Variants in ZCCHC14 observed in about 807,000 individuals in gnomAD.
ZCCHC14 encodes the protein zinc finger CCHC domain-containing protein 14.
Under a neutral mutation model 85.0 loss-of-function variants are expected in ZCCHC14, and 16 were observed. The ratio of observed to expected loss-of-function variants is 0.19; its 90% CI spans 0.13 to 0.29. The LOEUF (loss-of-function observed/expected upper bound fraction) is 0.29, where lower values mean the gene tolerates loss of function less well. Ranked by LOEUF, ZCCHC14 falls within the 10% of genes least tolerant of loss-of-function variation. ZCCHC14 has a pLI of 1.00. For missense variants in ZCCHC14, 1,303 were observed against 1,443.5 expected, an observed-to-expected ratio of 0.90 and a Z score of 1.58; for synonymous variants, 775 against 630.7, an observed-to-expected ratio of 1.23 and a Z score of -3.43.
chr16:87,490,739 C>T (rs1450042433), intron 1 of ZCCHC14, among the ~76,000 whole-genome samples: 1 of 152,210 alleles, frequency 6.6e-6, no homozygotes, highest in Non-Finnish European at 1.5e-5. Flanking sequence ...CTTTTTCTGT[C>T]TGTTACAGGT....
chr16:87,459,962 TC>T (rs748583388), intron 2 of ZCCHC14, 45 bp downstream of exon 2: 1 of 1,613,000 alleles, frequency 6.2e-7, no homozygotes, highest in South Asian at 1.1e-5. Context: ...GGTGTGCCCA[TC>T]CTCCGTCCGT....
In ZCCHC14 at chr16:87,411,902, G is replaced by C; in HGVS notation, c.2819C>G (p.Thr940Ser). 6.3e-7 allele frequency: 1 copy of C among 1,594,190 alleles called. No individual in the cohort carries two copies. The highest frequency in any genetic ancestry group is 8.5e-7 in the Non-Finnish European group (1 of 1,171,898). ...CTGGAAGTAGTTGGCGTAGCTGACA[G>C]TCAGGCCACTCGAGCCGCAGCTGCC... is the stretch of plus-strand genomic sequence containing the variant. ...CSGSCGSSGL[T>S]VSYANYFQHP... Residue 940 changes from threonine (T) to serine (S), a missense_variant, in exon 12 of 13, where the codon ACT (threonine) becomes AGT (serine). Physicochemically the swap from Thr to Ser is moderately conservative, Grantham distance 58. Transcript: ENST00000671377.
In ZCCHC14 at chr16:87,492,784, T is replaced by G. The variant is rs1405283546; in HGVS notation, c.-546A>C. ...CGCGGCGTCGCCGCCTGGGGAGCGCTGGGGGCCGCGGCCGCGAAACGGACG... is the reference window on the plus strand; with the variant it reads ...CGCGGCGTCGCCGCCTGGGGAGCGCGGGGGGCCGCGGCCGCGAAACGGACG... On this transcript the variant is annotated 5_prime_UTR_variant, in exon 1 of 13. Coordinates refer to ENST00000671377, the MANE Select transcript of ZCCHC14 (RefSeq NM_015144.3). The surrounding 1 kb of genome is among the most constrained non-coding windows in gnomAD (Gnocchi z 6.7). 2.1e-5 allele frequency: 3 copies of G among 144,122 alleles called. No individual in the cohort carries two copies. The highest frequency in any genetic ancestry group is 2.2e-4 in the South Asian group (1 of 4,650). 8.9% of individuals were successfully genotyped at this position (144,122 alleles called of 1,614,324 possible). A position where few individuals can be genotyped will look rare whatever the true frequency, so the allele number is the denominator to read the frequency against.
In ZCCHC14 at chr16:87,443,210, G is replaced by T. The variant is rs375460480; in HGVS notation, c.695-10009C>A. On this transcript the variant is annotated intron_variant, in intron 2 of 12. Transcript: ENST00000671377. ...TCCTAAGACAACTGTGACCGGAAGGGCAGAGGCCTGGATGGTGGTCGGGTT... is the reference window on the plus strand; with the variant it reads ...TCCTAAGACAACTGTGACCGGAAGGTCAGAGGCCTGGATGGTGGTCGGGTT... Among the ~76,000 whole-genome samples, 10 of 152,340 alleles carry T rather than the reference G, an allele frequency of 6.6e-5. No homozygotes were observed. In the East Asian group the frequency reaches 1.3e-3, roughly 21 times the overall value.
At chr16:87,447,611 T>G (rs1218580004) in intron 2 of ZCCHC14, among the ~76,000 whole-genome samples, 1 of 152,212 alleles carries the variant, frequency 6.6e-6, no homozygotes, top group Non-Finnish European at 1.5e-5. Flanking sequence ...CTCCTACTCA[T>G]GGACATCTGG....
At chr16:87,471,803 G>A (rs1488405001) in intron 1 of ZCCHC14, 1 of 152,268 alleles carries the variant, frequency 6.6e-6, no homozygotes, top group Non-Finnish European at 1.5e-5. Context: ...ATAAAACAGG[G>A]TTCAAAGGGC....
chr16:87,459,108 C>T (rs1272592029), intron 2 of ZCCHC14, among the ~76,000 whole-genome samples: 4 of 152,206 alleles, frequency 2.6e-5, no homozygotes, highest in Non-Finnish European at 4.4e-5. Flanking sequence ...TCAGGCCGCG[C>T]CTCACTACCC....
chr16:87,456,496 G>A (rs1161365178), intron 2 of ZCCHC14, among the ~76,000 whole-genome samples: 1 of 120,076 alleles, frequency 8.3e-6, no homozygotes, highest in Non-Finnish European at 1.6e-5. Flanking sequence ...TTGCGCCACT[G>A]CACTCCAGCC....
At chr16:87,436,049 T>C (rs1231809248) in intron 2 of ZCCHC14, among the ~76,000 whole-genome samples, 3 of 152,178 alleles carry the variant, frequency 2.0e-5, no homozygotes, top group Non-Finnish European at 4.4e-5. Flanking sequence ...TACAGAAACA[T>C]GTAGTCAGCA....
At chr16:87,458,475 G>A (rs1054341575) in intron 2 of ZCCHC14, among the ~76,000 whole-genome samples, 1 of 152,226 alleles carries the variant, frequency 6.6e-6, no homozygotes, top group East Asian at 1.9e-4. Context: ...CGAGGGTCAA[G>A]TGGGGACAGG....
At chr16:87,481,466 T>G (rs1438209725) in intron 1 of ZCCHC14, among the ~76,000 whole-genome samples, 1 of 145,348 alleles carries the variant, frequency 6.9e-6, no homozygotes, top group African/African-American at 2.5e-5. Flanking sequence ...AATCTAAGCC[T>G]GCGTCCAGAG....
Position 87,413,156 on chromosome 16 carries a change from G to T in ZCCHC14, c.1643C>A (p.Pro548His). ...VEVEQPHHQL[P>H]REGSSSEYSS... Reference sequence around the variant, plus strand: ...GTACTCCGAGGAACTGCCTTCCCGGGGCAGCTGGTGATGGGGCTGCTCCAC... The same window carrying T: ...GTACTCCGAGGAACTGCCTTCCCGGTGCAGCTGGTGATGGGGCTGCTCCAC... Residue 548 changes from proline to histidine, a missense_variant, in exon 11 of 13, where the codon CCC becomes CAC. Physicochemically the swap from Pro to His is moderately conservative, Grantham distance 77 (BLOSUM62 -2). Transcript: ENST00000671377. The T allele has an allele frequency of 6.2e-7, 1 of 1,601,980 alleles. No homozygotes were observed. The highest frequency in any genetic ancestry group is 8.5e-7 in the Non-Finnish European group (1 of 1,174,540).
intron 7 of ZCCHC14, chr16:87,418,036 G>A: frequency 2.3e-6 from 1 of 442,238 alleles, no homozygotes; most frequent in Non-Finnish European, 4.0e-6. Context: ...GCGTCTACTT[G>A]TGTGTACGTA....
chr16:87,420,776 C>A lies in ZCCHC14; in HGVS notation c.841-60G>T. 7.0e-7 allele frequency: 1 copy of A among 1,437,028 alleles called. No individual in the cohort carries two copies. Among genetic ancestry groups the A allele is most frequent in the East Asian group, 2.5e-5 (1 of 40,638 alleles). 89.0% of individuals were successfully genotyped at this position (1,437,028 alleles called of 1,614,324 possible). On this transcript the variant is annotated intron_variant, in intron 4 of 12. Coordinates refer to ENST00000671377, the MANE Select transcript of ZCCHC14 (RefSeq NM_015144.3). The surrounding 1 kb of genome is among the most constrained non-coding windows in gnomAD (Gnocchi z 5.0). ...AGACCCATCCAACACCAGCAGAATT[C>A]TGCTACTGCAGGAAAACCTGGGGCA...
chr16:87,456,347 G>A (rs1910960041), intron 2 of ZCCHC14, among the ~76,000 whole-genome samples: 1 of 151,792 alleles, frequency 6.6e-6, no homozygotes, highest in Non-Finnish European at 1.5e-5. Context: ...TGGCTAACAC[G>A]GTGAAACCAC....
chr16:87,459,491 T>A (rs1481821399), intron 2 of ZCCHC14, among the ~76,000 whole-genome samples: 2 of 149,768 alleles, frequency 1.3e-5, no homozygotes, highest in Admixed American at 6.7e-5. Flanking sequence ...ATTACAAGCG[T>A]GCACCACCAG....
At position 87,412,603 on chromosome 16, in the gene ZCCHC14, G is replaced by C; in HGVS notation, c.2118C>G (p.His706Gln). ...MMDVLPASAP[H>Q]QPVQVLSGLS... Reference sequence around the variant, plus strand: ...GCCCAGAGAGGACCTGCACAGGCTGGTGGGGTGCGGACGCGGGCAGCACGT... The same window carrying C: ...GCCCAGAGAGGACCTGCACAGGCTGCTGGGGTGCGGACGCGGGCAGCACGT... Residue 706 changes from histidine (H) to glutamine (Q), a missense_variant, in exon 12 of 13, where the codon CAC becomes CAG. Coordinates refer to ENST00000671377, the MANE Select transcript of ZCCHC14 (RefSeq NM_015144.3). 1 of 1,614,190 alleles carries C rather than the reference G, an allele frequency of 6.2e-7. No homozygotes were observed. Among genetic ancestry groups the C allele is most frequent in the South Asian group, 1.1e-5 (1 of 91,088 alleles).
chr16:87,475,652 G>A (rs537184563), intron 1 of ZCCHC14, among the ~76,000 whole-genome samples: 1 of 151,962 alleles, frequency 6.6e-6, no homozygotes, highest in Admixed American at 6.6e-5. Flanking sequence ...CAGACTGGAG[G>A]TAACAGAAGA....
Position 87,459,989 on chromosome 16 carries a change from A to C in ZCCHC14, c.694+19T>G, listed in dbSNP as rs981876875. 1 of 1,613,916 alleles carries C rather than the reference A, an allele frequency of 6.2e-7. No homozygotes were observed. Among genetic ancestry groups the C allele is most frequent in the African/African-American group, 1.3e-5 (1 of 74,898 alleles). On this transcript the variant is annotated intron_variant, in intron 2 of 12. Coordinates refer to ENST00000671377, the MANE Select transcript of ZCCHC14 (RefSeq NM_015144.3). Reference sequence around the variant, plus strand: ...CTCCGTCCGTCAGACGTCCTCCTGAAACCCGTGCGTGCACTCACCTTTGCT... The same window carrying C: ...CTCCGTCCGTCAGACGTCCTCCTGACACCCGTGCGTGCACTCACCTTTGCT...
Sources: gnomAD v4.1 joint callset for allele counts (sites outside exome capture counted in the v4.1 genomes callset) on GRCh38, gnomAD v4.1.1 for gene constraint, Gnocchi (gnomAD v3.1) non-coding constraint, MANE v1.5 for transcripts, NCBI Gene and HGNC (gene_info 2026-07-23, HGNC 2026-07-21) for gene names.